SF3B3: variants seen among roughly 807,000 people sequenced by gnomAD.
The protein encoded by SF3B3 is SAP 130.
In SF3B3, 33 loss-of-function variants were observed where a neutral mutation model predicts 139.2. The ratio of observed to expected loss-of-function variants is 0.24; its 90% CI spans 0.18 to 0.32. SF3B3 has a LOEUF of 0.32. Ranked by LOEUF, SF3B3 falls within the 10% of genes least tolerant of loss-of-function variation. The probability of loss-of-function intolerance (pLI) is 1.00; values close to 1 mark genes in which losing one functional copy is unlikely to be tolerated. For synonymous variants in SF3B3, 596 were observed against 563.6 expected, an observed-to-expected ratio of 1.06 and a Z score of -0.81; for missense variants, 818 against 1,509.4, an observed-to-expected ratio of 0.54 and a Z score of 7.59.
intron 11 of SF3B3, among the ~76,000 whole-genome samples, chr16:70,552,872 C>T (rs1313394562): frequency 6.6e-6 from 1 of 152,178 alleles, no homozygotes; most frequent in Non-Finnish European, 1.5e-5. Flanking sequence ...TTACGTCCTG[C>T]TAATAGGGCA....
rs897314035 is a variant in SF3B3 at position 70,575,196 on chromosome 16, C to CTTTTTTTTTTTTTTTTTTTTTTTTTT, written c.*3403_*3404insTTTTTTTTTTTTTTTTTTTTTTTTTT. On this transcript the variant is annotated 3_prime_UTR_variant, in exon 26 of 26. Coordinates refer to ENST00000302516, the MANE Select transcript of SF3B3 (RefSeq NM_012426.5). The stretch of plus-strand genomic sequence containing the variant: ...TTTTCTTTTTCTTTTTCTTTTTTTT[C>CTTTTTTTTTTTTTTTTTTTTTTTTTT]TTTTTTTTTTTTTTTTTTTTGAGAT... 9.1e-6 allele frequency: 1 copy of CTTTTTTTTTTTTTTTTTTTTTTTTTT among 110,008 alleles called. No individual in the cohort carries two copies. Among genetic ancestry groups the CTTTTTTTTTTTTTTTTTTTTTTTTTT allele is most frequent in the Non-Finnish European group, 1.8e-5 (1 of 54,752 alleles). The allele number at this position is 110,008 out of a possible 1,614,324, so 6.8% of individuals were successfully genotyped here. A position where few individuals can be genotyped will look rare whatever the true frequency, so the allele number is the denominator to read the frequency against.
In SF3B3 at chr16:70,563,982, A is replaced by G. The variant is rs766954286; in HGVS notation, c.2395A>G (p.Ile799Val). The change falls in exon 18 of 26, where the codon ATC (isoleucine) becomes GTC (valine). Residue 799 changes from isoleucine to valine, a missense_variant. Around this residue, in one of 14 missense-constraint regions of SF3B3, gnomAD observed 34 missense variants for 30.5 expected, o/e 1.12. Transcript: ENST00000302516. ...VIHPESNNLI[I>V]IETDHNAYTE... ...CCACCCTGAGAGTAACAACCTTATT[A>G]TCATTGAAACGGACCACAATGCCTA... 5 of 1,614,178 alleles carry G rather than the reference A, an allele frequency of 3.1e-6. No individual in the cohort carries two copies. Among genetic ancestry groups the G allele is most frequent in the African/African-American group, 1.3e-5 (1 of 75,024 alleles).
At chr16:70,537,887 A>G in intron 6 of SF3B3, 2 of 386,532 alleles carry the variant, frequency 5.2e-6, no homozygotes, top group Admixed American at 3.1e-5. Flanking sequence ...CAGTCTGGGC[A>G]ACATAGTGAG....
intron 5 of SF3B3, among the ~76,000 whole-genome samples, chr16:70,534,242 A>G (rs2050146571): frequency 6.6e-6 from 1 of 152,206 alleles, no homozygotes; most frequent in Non-Finnish European, 1.5e-5. Context: ...CATTTACAAA[A>G]GCCTAAATAC....
At chr16:70,539,308 G>C in intron 8 of SF3B3, 101 bp downstream of exon 8, 1 of 839,086 alleles carries the variant, frequency 1.2e-6, no homozygotes, top group Admixed American at 1.8e-5. Flanking sequence ...AGCACTTTGG[G>C]AGGCTGAGGT....
chr16:70,564,105 A>C (rs963988006), intron 18 of SF3B3, 55 bp downstream of exon 18: 1 of 1,577,818 alleles, frequency 6.3e-7, no homozygotes, highest in African/African-American at 1.3e-5. Flanking sequence ...ATTATGTTGA[A>C]AAGTTTAAAC....
rs1339383501 is a variant in SF3B3, at chr16:70,575,863, G to A, written c.*4050G>A. ...GAAATGGTAGGAAACCTGTAGTTGTGGCTCATAATCCTAGTGGGATATTAG... is the reference window on the plus strand; with the variant it reads ...GAAATGGTAGGAAACCTGTAGTTGTAGCTCATAATCCTAGTGGGATATTAG... On this transcript the variant is annotated 3_prime_UTR_variant, in exon 26 of 26. Coordinates refer to ENST00000302516, the MANE Select transcript of SF3B3 (RefSeq NM_012426.5). 6.6e-6 allele frequency: 1 copy of A among 152,230 alleles called. No homozygotes were observed. Among genetic ancestry groups the A allele is most frequent in the Non-Finnish European group, 1.5e-5 (1 of 68,056 alleles). 9.4% of individuals were successfully genotyped at this position (152,230 alleles called of 1,614,324 possible).
At chr16:70,548,794 C>G (rs1331456355) in intron 11 of SF3B3, among the ~76,000 whole-genome samples, 1 of 152,170 alleles carries the variant, frequency 6.6e-6, no homozygotes, top group African/African-American at 2.4e-5. Context: ...CATTCTTCTT[C>G]AACTATATTC....
intron 11 of SF3B3, among the ~76,000 whole-genome samples, chr16:70,553,743 C>T (rs1301900444): frequency 6.6e-6 from 1 of 152,172 alleles, no homozygotes; most frequent in African/African-American, 2.4e-5. Context: ...CCTTGAGAAA[C>T]TCATTAGTGT....
intron 18 of SF3B3, 49 bp downstream of exon 18, chr16:70,564,099 T>C: frequency 6.3e-7 from 1 of 1,585,748 alleles, no homozygotes; most frequent in Non-Finnish European, 8.6e-7. Flanking sequence ...TGTGAAATTA[T>C]GTTGAAAAGT....
At chr16:70,529,889 TTGGGAGGCCAAGG>T (rs779454524) in intron 3 of SF3B3, among the ~76,000 whole-genome samples, 5 of 151,950 alleles carry the variant, frequency 3.3e-5, no homozygotes, top group Non-Finnish European at 7.4e-5. Flanking sequence ...TCCCAGCACT[TTGGGAGGCCAAGG>T]TGGGAGGATC....
chr16:70,562,657 C>G (rs2050439850), intron 17 of SF3B3, among the ~76,000 whole-genome samples: 2 of 152,272 alleles, frequency 1.3e-5, no homozygotes, highest in Non-Finnish European at 2.9e-5. Flanking sequence ...GTAGCCTCAT[C>G]TGTGGCCCCT....
At chr16:70,565,546 T>C in intron 20 of SF3B3, 22 bp downstream of exon 20, 1 of 1,601,722 alleles carries the variant, frequency 6.2e-7, no homozygotes, top group South Asian at 1.1e-5. Flanking sequence ...CCAGTGGTTC[T>C]CCTAGATTTT....
At chr16:70,529,947 A>T (rs2050104242) in intron 3 of SF3B3, among the ~76,000 whole-genome samples, 1 of 151,734 alleles carries the variant, frequency 6.6e-6, no homozygotes, top group Non-Finnish European at 1.5e-5. Context: ...AGCCTGGCCA[A>T]CATGGTGAAA....
chr16:70,539,348 G>A (rs1047079392), intron 8 of SF3B3, 141 bp downstream of exon 8: 34 of 652,368 alleles, frequency 5.2e-5, no homozygotes, highest in Non-Finnish European at 8.4e-5. Context: ...AGGAGTTGGA[G>A]ACCAGCCTGG....
At chr16:70,528,817 C>G (rs1456316810) in intron 2 of SF3B3, 56 bp from the exon 3 acceptor site, 1 of 1,332,670 alleles carries the variant, frequency 7.5e-7, no homozygotes, top group Non-Finnish European at 1.1e-6. Context: ...GGGGTTTCAC[C>G]ATGGTGGCCA....
Position 70,561,782 on chromosome 16 carries a change from A to G in SF3B3, c.2286A>G (p.Leu762=), listed in dbSNP as rs2050431365. 6 of 1,613,462 alleles carry G rather than the reference A, an allele frequency of 3.7e-6. No individual in the cohort carries two copies. Among genetic ancestry groups the G allele is most frequent in the Non-Finnish European group, 2.5e-6 (3 of 1,179,486 alleles). ...EGIVAISTNT[L]RILALEKLGA... Reference sequence around the variant, plus strand: ...TTGTGGCCATCTCCACCAACACCCTACGGTGAGTGAGTCTCATGTTTGAAG... The same window carrying G: ...TTGTGGCCATCTCCACCAACACCCTGCGGTGAGTGAGTCTCATGTTTGAAG... Residue 762 remains leucine, a splice_region_variant and synonymous_variant, in exon 17 of 26, where the codon CTA becomes CTG. Transcript: ENST00000302516.
intron 15 of SF3B3, 150 bp from the exon 16 acceptor site, chr16:70,560,319 G>T (rs1308557245): frequency 4.5e-6 from 3 of 673,450 alleles, no homozygotes; most frequent in East Asian, 3.2e-5. Context: ...GAAATGAATG[G>T]CTATCGGATT....
chr16:70,571,833 G>A lies in SF3B3; in HGVS notation c.*20G>A. On this transcript the variant is annotated 3_prime_UTR_variant, in exon 26 of 26. Transcript: ENST00000302516. ...TTCTGAGCCCTCCTTTCCCGGTGGGGCTTGCCAGAGACTGTGTGTTTTGTT... is the reference window on the plus strand; with the variant it reads ...TTCTGAGCCCTCCTTTCCCGGTGGGACTTGCCAGAGACTGTGTGTTTTGTT... 6.2e-7 allele frequency: 1 copy of A among 1,602,636 alleles called. No individual in the cohort carries two copies. The highest frequency in any genetic ancestry group is 8.5e-7 in the Non-Finnish European group (1 of 1,175,806).
Sources: gnomAD v4.1 joint callset for allele counts (sites outside exome capture counted in the v4.1 genomes callset) on GRCh38, gnomAD v4.1.1 for gene constraint, gnomAD v4.1.1 regional missense constraint, MANE v1.5 for transcripts, NCBI Gene and HGNC (gene_info 2026-07-23, HGNC 2026-07-21) for gene names.